SLC66A1: variants seen among roughly 807,000 people sequenced by gnomAD.
SLC66A1 encodes lysosomal amino acid transporter 1 homolog.
Under a neutral mutation model 33.0 loss-of-function variants are expected in SLC66A1, and 23 were observed. The ratio of observed to expected loss-of-function variants is 0.70; its 90% CI spans 0.50 to 0.99. SLC66A1 has a LOEUF of 0.99. SLC66A1 is among the 50% of genes least tolerant of loss of function. The pLI, the probability that SLC66A1 is intolerant of heterozygous loss-of-function variation, is 0.00. For missense variants in SLC66A1, 335 were observed against 383.6 expected (o/e 0.87, Z 1.06); for synonymous variants, 164 against 175.5 (o/e 0.93, Z 0.52).
At chr1:19,332,992 G>C (rs1455653922), downstream of SLC66A1, among the ~76,000 whole-genome samples, 2 of 152,222 alleles carry the variant, frequency 1.3e-5, no homozygotes, top group Non-Finnish European at 2.9e-5. Context: ...CACTGTATGG[G>C]GAAGTGACAT....
At chr1:19,329,318 C>G (rs2152019361), downstream of SLC66A1, 1 of 152,866 alleles carries the variant, frequency 6.5e-6, no homozygotes, top group Middle Eastern at 3.4e-3. Context: ...TTCTGTTGCT[C>G]CTTCCCCAAG....
chr1:19,322,015 G>A (rs1456656077), intron 2 of SLC66A1, among the ~76,000 whole-genome samples: 1 of 152,228 alleles, frequency 6.6e-6, no homozygotes, highest in East Asian at 1.9e-4. Context: ...AACAGACACT[G>A]TCCTTGCCTT....
chr1:19,328,210 G>T lies in SLC66A1; in HGVS notation c.805-362G>T, dbSNP rs1041734508. 2.9e-5 allele frequency: 12 copies of T among 416,250 alleles called. No homozygotes were observed. Among genetic ancestry groups the T allele is most frequent in the African/African-American group, 2.2e-4 (11 of 49,152 alleles). The allele number at this position is 416,250 out of a possible 1,614,324, so 25.8% of individuals were successfully genotyped here. On this transcript the variant is annotated intron_variant, in intron 7 of 7. Coordinates refer to ENST00000375153, the MANE Select transcript of SLC66A1 (RefSeq NM_001040125.2). This position sits in a 1 kb window ranked among gnomAD's most constrained non-coding sequence, Gnocchi z 4.7. The stretch of plus-strand genomic sequence containing the variant: ...TTAAGTCCCTGCCGGGCGCAGGGAG[G>T]GGTGAAAGTTTAGGCTCTTGTGCCC...
At chr1:19,331,941 C>A (rs2093893587), downstream of SLC66A1, among the ~76,000 whole-genome samples, 2 of 152,202 alleles carry the variant, frequency 1.3e-5, no homozygotes, top group African/African-American at 2.4e-5. Flanking sequence ...ATGGTTCCTT[C>A]CTCAGGAGGC....
intron 2 of SLC66A1, among the ~76,000 whole-genome samples, chr1:19,319,606 T>TTTTTTG (rs139224139): frequency 3.4e-5 from 1 of 29,456 alleles, no homozygotes; most frequent in African/African-American, 1.1e-4. Flanking sequence ...CACATTCATG[T>TTTTTTG]TTTTTTTTTT....
At chr1:19,323,582 T>C (rs1373514862) in intron 2 of SLC66A1, among the ~76,000 whole-genome samples, 2 of 152,100 alleles carry the variant, frequency 1.3e-5, no homozygotes, top group African/African-American at 4.8e-5. Flanking sequence ...GATTTTTGTA[T>C]TTTTGGTAGA....
chr1:19,327,122 C>T (rs1346124077), intron 6 of SLC66A1, 105 bp from the exon 7 acceptor site: 3 of 1,171,990 alleles, frequency 2.6e-6, no homozygotes, highest in Non-Finnish European at 3.7e-6. Context: ...AAGATTGGCT[C>T]AGAGCAGGTG....
intron 7 of SLC66A1, 126 bp downstream of exon 7, chr1:19,327,538 T>TCCCTCCCTCCCC: frequency 1.1e-6 from 1 of 881,920 alleles, no homozygotes; most frequent in Non-Finnish European, 1.7e-6. Context: ...CATCCCTCCC[T>TCCCTCCCTCCCC]CCCTCCCTCC....
chr1:19,322,381 C>G (rs927235691), intron 2 of SLC66A1, among the ~76,000 whole-genome samples: 3 of 152,240 alleles, frequency 2.0e-5, no homozygotes, highest in Admixed American at 1.3e-4. Flanking sequence ...TGGCTGCCCC[C>G]CTGGTCTTCC....
chr1:19,328,900 A>C lies in SLC66A1; in HGVS notation c.*257A>C. 1.8e-6 allele frequency: 1 copy of C among 566,156 alleles called. No homozygotes were observed. The highest frequency in any genetic ancestry group is 3.2e-6 in the Non-Finnish European group (1 of 315,732). The allele number at this position is 566,156 out of a possible 1,614,324, so 35.1% of individuals were successfully genotyped here. On this transcript the variant is annotated 3_prime_UTR_variant, in exon 8 of 8. Coordinates refer to ENST00000375153, the MANE Select transcript of SLC66A1 (RefSeq NM_001040125.2). The surrounding 1 kb of genome is among the most constrained non-coding windows in gnomAD (Gnocchi z 4.7). ...TCCTACCACCTACCTCATTCTGCCT[A>C]CTCACCCCAGGGGCCACAGCCACAG...
chr1:19,325,641 G>GTGT (rs74347523), intron 4 of SLC66A1, 59 bp downstream of exon 4: 2 of 1,058,900 alleles, frequency 1.9e-6, no homozygotes, highest in South Asian at 1.4e-5. Flanking sequence ...GCAGTTGTGG[G>GTGT]GGGGGGCGCC....
intron 2 of SLC66A1, among the ~76,000 whole-genome samples, chr1:19,319,856 T>C (rs1052335569): frequency 6.8e-6 from 1 of 147,422 alleles, no homozygotes; most frequent in Non-Finnish European, 1.5e-5. Context: ...TGAGCCAGGA[T>C]TGCACTACTG....
rs577370603 is a variant in SLC66A1, at chr1:19,326,360, G to T, written c.498G>T (p.Ala166=). Residue 166 remains alanine, a synonymous_variant, in exon 5 of 8, where the codon GCG becomes GCT. Transcript: ENST00000375153. ...AAPREAFRGR[A]LLSVESGSKP... is the part of the protein sequence containing the mutation. ...CTAGGGAAGCCTTCCGGGGGCGGGC[G>T]CTCCTGTCCGTGGAGTCGGGCAGCA... 44 of 1,606,128 alleles carry T rather than the reference G, an allele frequency of 2.7e-5. No individual in the cohort carries two copies. The highest frequency in any genetic ancestry group is 3.6e-5 in the Non-Finnish European group (42 of 1,179,106).
At chr1:19,323,723 T>C (rs965277329) in intron 2 of SLC66A1, among the ~76,000 whole-genome samples, 9 of 152,190 alleles carry the variant, frequency 5.9e-5, no homozygotes, top group Admixed American at 5.9e-4. Flanking sequence ...TTAGTTTCTT[T>C]CTGTCTGTCT....
At chr1:19,331,129 A>C (rs1223294609), downstream of SLC66A1, among the ~76,000 whole-genome samples, 1 of 152,138 alleles carries the variant, frequency 6.6e-6, no homozygotes, top group Non-Finnish European at 1.5e-5. Context: ...CTCCTGCCTC[A>C]ACCTCCCAAG....
intron 2 of SLC66A1, among the ~76,000 whole-genome samples, chr1:19,319,612 T>TTTTGTTTTTTTTTTTGTTTTTTTTTG (rs1171357518): frequency 1.3e-5 from 2 of 148,548 alleles, no homozygotes; most frequent in African/African-American, 5.1e-5. Context: ...CATGTTTTTT[T>TTTTGTTTTTTTTTTTGTTTTTTTTTG]TTTTTTTTTG....
chr1:19,328,650 C>T lies in SLC66A1; in HGVS notation c.*7C>T. ...GCCCCTCCTCCCCAGCTGACCAGAA[C>T]CAGGCTGAGCGCAGGAGGACAGGCA... On this transcript the variant is annotated 3_prime_UTR_variant, in exon 8 of 8. Transcript: ENST00000375153. This position sits in a 1 kb window ranked among gnomAD's most constrained non-coding sequence, Gnocchi z 4.7. 1 of 1,613,442 alleles carries T rather than the reference C, an allele frequency of 6.2e-7. No homozygotes were observed. Among genetic ancestry groups the T allele is most frequent in the Non-Finnish European group, 8.5e-7 (1 of 1,179,728 alleles).
intron 1 of SLC66A1, chr1:19,313,275 C>G: frequency 2.0e-6 from 2 of 983,468 alleles, no homozygotes; most frequent in Non-Finnish European, 2.4e-6. Flanking sequence ...CAGCTTTCTC[C>G]CCTTCCTTTC....
At chr1:19,333,577 C>T (rs939911097), downstream of SLC66A1, among the ~76,000 whole-genome samples, 2 of 152,122 alleles carry the variant, frequency 1.3e-5, no homozygotes, top group Non-Finnish European at 2.9e-5. This position sits in a 1 kb window ranked among gnomAD's most constrained non-coding sequence, Gnocchi z 4.2. Flanking sequence ...TGGCTTTCAT[C>T]GGAGCTGAAT....
Sources: allele counts gnomAD v4.1 joint callset (sites outside exome capture counted in the v4.1 genomes callset), GRCh38; gene constraint gnomAD v4.1.1; non-coding constraint Gnocchi (gnomAD v3.1); transcripts MANE v1.5; gene names NCBI Gene and HGNC (gene_info 2026-07-23, HGNC 2026-07-21).